Variants in PAFAH1B1 observed in about 807,000 individuals in gnomAD.
PAFAH1B1 encodes the protein platelet activating factor acetylhydrolase 1b regulatory subunit 1, also known as platelet-activating factor acetylhydrolase IB subunit beta.
PAFAH1B1 carries 2 observed loss-of-function variants against 57.5 expected under a neutral mutation model. The observed-to-expected ratio is 0.03, with a 90% CI of 0.01 to 0.11. The LOEUF is 0.11. PAFAH1B1 is among the 10% of genes least tolerant of loss of function. The pLI is 1.00. For missense variants in PAFAH1B1, 257 were observed against 512.0 expected (o/e 0.50, Z 4.81); for synonymous variants, 152 against 169.6 (o/e 0.90, Z 0.81).
chr17:2,603,890 A>G (rs1449394396), intron 1 of PAFAH1B1, among the ~76,000 whole-genome samples: 4 of 151,548 alleles, frequency 2.6e-5, no homozygotes. Flanking sequence ...GGCATGCGCA[A>G]CCACGCGCGG....
chr17:2,683,926 A>G lies in PAFAH1B1; in HGVS notation c.*2124A>G, dbSNP rs1210120928. ...AATTCATTTTTAGCATGAATTGTTTAAGGGTAAGCCACAACATCTAGAAAT... is the reference window on the plus strand; with the variant it reads ...AATTCATTTTTAGCATGAATTGTTTGAGGGTAAGCCACAACATCTAGAAAT... On this transcript the variant is annotated 3_prime_UTR_variant, in exon 11 of 11. Coordinates refer to ENST00000397195, the MANE Select transcript of PAFAH1B1 (RefSeq NM_000430.4). The G allele has an allele frequency of 6.6e-6, 1 of 152,634 alleles. No individual in the cohort carries two copies. Among genetic ancestry groups the G allele is most frequent in the Non-Finnish European group, 1.5e-5 (1 of 68,036 alleles). The allele number at this position is 152,634 out of a possible 1,614,324, so 9.5% of individuals were successfully genotyped here.
chr17:2,625,267 T>C (rs1205845415), intron 1 of PAFAH1B1, among the ~76,000 whole-genome samples: 3 of 152,168 alleles, frequency 2.0e-5, no homozygotes, highest in African/African-American at 4.8e-5. Context: ...AATGAAAAAA[T>C]CAGACTCTTT....
chr17:2,611,416 C>T (rs915944159), intron 1 of PAFAH1B1, among the ~76,000 whole-genome samples: 16 of 151,302 alleles, frequency 1.1e-4, no homozygotes, highest in African/African-American at 3.6e-4. Context: ...TGCAGTGAAC[C>T]GAGATCACGC....
chr17:2,668,429 A>G (rs1382698812), intron 5 of PAFAH1B1, among the ~76,000 whole-genome samples: 2 of 151,526 alleles, frequency 1.3e-5, no homozygotes, highest in African/African-American at 2.4e-5. Context: ...GCTCATGCCT[A>G]TAGTCCTAGG....
intron 1 of PAFAH1B1, among the ~76,000 whole-genome samples, chr17:2,626,329 G>A (rs1332400818): frequency 6.6e-6 from 1 of 152,090 alleles, no homozygotes; most frequent in Admixed American, 6.5e-5. Context: ...AACTGGAAAG[G>A]TAAAATTGTA....
chr17:2,637,417 A>T (rs1597541197), intron 1 of PAFAH1B1, among the ~76,000 whole-genome samples: 1 of 5,212 alleles, frequency 1.9e-4, no homozygotes, highest in East Asian at 6.6e-3. Context: ...CTGTCTCTAC[A>T]AAAAAAAAAT....
chr17:2,676,061 C>G (rs766615736), intron 8 of PAFAH1B1, among the ~76,000 whole-genome samples: 1 of 152,198 alleles, frequency 6.6e-6, no homozygotes, highest in East Asian at 1.9e-4. Flanking sequence ...GTGTGAAAGA[C>G]TTGTGTATTT....
chr17:2,683,099 T>G lies in PAFAH1B1; in HGVS notation c.*1297T>G, dbSNP rs886052719. The G allele has an allele frequency of 2.6e-5, 4 of 152,230 alleles. No homozygotes were observed. The highest frequency in any genetic ancestry group is 2.0e-4 in the Admixed American group (3 of 15,286). The allele number at this position is 152,230 out of a possible 1,614,324, so 9.4% of individuals were successfully genotyped here. A position where few individuals can be genotyped will look rare whatever the true frequency, so the allele number is the denominator to read the frequency against. On this transcript the variant is annotated 3_prime_UTR_variant, in exon 11 of 11. Transcript: ENST00000397195. ...TGCTTCTGAAAACTAGGTCTGACTC[T>G]GGGGATTTTTTTCCAGCCGAAGGAA...
intron 1 of PAFAH1B1, among the ~76,000 whole-genome samples, chr17:2,623,678 A>G (rs1347813756): frequency 6.8e-6 from 1 of 147,122 alleles, no homozygotes; most frequent in Non-Finnish European, 1.5e-5. Context: ...CCCAGGCTGG[A>G]CTGCAGTGGT....
In PAFAH1B1 at chr17:2,669,879, A is replaced by G. The variant is rs11078302; in HGVS notation, c.400-284A>G. ...CCTGCTCTGAGACAGGGAGCGGACT[A>G]TGTCTTGTGACTTTATATACCTTAT... On this transcript the variant is annotated intron_variant, in intron 5 of 10. Transcript: ENST00000397195. Among the ~76,000 whole-genome samples, 132,186 of 152,028 alleles carry G rather than the reference A, an allele frequency of 0.87. 58,210 individuals carry two copies. The highest frequency in any genetic ancestry group is 0.93 in the Non-Finnish European group (63,328 of 68,024).
intron 2 of PAFAH1B1, among the ~76,000 whole-genome samples, chr17:2,653,800 A>T (rs2068899252): frequency 6.6e-6 from 1 of 152,034 alleles, no homozygotes; most frequent in Admixed American, 6.6e-5. Flanking sequence ...TTTTATTTTT[A>T]TTTTTTAAAT....
At chr17:2,630,290 G>C (rs192612978) in intron 1 of PAFAH1B1, among the ~76,000 whole-genome samples, 8 of 152,206 alleles carry the variant, frequency 5.3e-5, no homozygotes, top group Admixed American at 4.6e-4. Context: ...AGCAGTTCTT[G>C]TAATGGTGGC....
rs372436179 is a variant in PAFAH1B1, at chr17:2,597,060, AAAAC to A, written c.-191+3066_-191+3069del. On this transcript the variant is annotated intron_variant, in intron 1 of 10. Transcript: ENST00000397195. ...TGGGCGACAGAGCAAGACTCTGTCAAAAACAAACAAACAAAACCCCACACACTGA... is the reference window on the plus strand; with the variant it reads ...TGGGCGACAGAGCAAGACTCTGTCAAAAACAAACAAAACCCCACACACTGA... Among the ~76,000 whole-genome samples, 293 of 152,242 alleles carry A rather than the reference AAAAC, an allele frequency of 1.9e-3. 1 individual carries two copies. Among genetic ancestry groups the A allele is most frequent in the African/African-American group, 6.6e-3 (275 of 41,540 alleles).
chr17:2,606,135 A>T, intron 1 of PAFAH1B1, among the ~76,000 whole-genome samples: 1 of 152,156 alleles, frequency 6.6e-6, no homozygotes, highest in East Asian at 1.9e-4. Flanking sequence ...AAAAATGGGT[A>T]AATAGGCTTA....
intron 1 of PAFAH1B1, among the ~76,000 whole-genome samples, 200 bp from the exon 2 acceptor site, chr17:2,637,899 G>A (rs1319810951): frequency 6.6e-6 from 1 of 152,062 alleles, no homozygotes; most frequent in East Asian, 1.9e-4. Context: ...TGCTGTTTTG[G>A]CTCATTGAAT....
intron 1 of PAFAH1B1, among the ~76,000 whole-genome samples, chr17:2,621,282 G>A (rs2068417946): frequency 1.3e-5 from 2 of 152,142 alleles, no homozygotes; most frequent in Admixed American, 6.5e-5. Context: ...GTGTCCACAT[G>A]TTCTCATCAT....
intron 2 of PAFAH1B1, among the ~76,000 whole-genome samples, chr17:2,651,436 T>C (rs1177605698): frequency 1.4e-5 from 2 of 146,760 alleles, no homozygotes; most frequent in Admixed American, 6.8e-5. Flanking sequence ...AAAAAAAAAT[T>C]AGCTGGGCAT....
chr17:2,626,692 T>C (rs2068498369), intron 1 of PAFAH1B1, among the ~76,000 whole-genome samples: 2 of 151,378 alleles, frequency 1.3e-5, no homozygotes, highest in African/African-American at 2.4e-5. Context: ...GTAGCTGGGA[T>C]TACATGCGCG....
At position 2,593,893 on chromosome 17, in the gene PAFAH1B1, C is replaced by A. The variant is rs886052708; in HGVS notation, c.-304C>A. ...GCCCGGGCCCAGCGCGCCATCCTCC[C>A]CCCTCCTTCCCTCCCTCCCTCCTTC... On this transcript the variant is annotated 5_prime_UTR_variant, in exon 1 of 11. Coordinates refer to ENST00000397195, the MANE Select transcript of PAFAH1B1 (RefSeq NM_000430.4). The A allele has an allele frequency of 6.8e-4, 238 of 348,324 alleles. 1 individual carries two copies. Among genetic ancestry groups the A allele is most frequent in the Non-Finnish European group, 9.8e-4 (192 of 194,936 alleles). 21.6% of individuals were successfully genotyped at this position (348,324 alleles called of 1,614,324 possible).
Sources: gnomAD v4.1 joint callset for allele counts (sites outside exome capture counted in the v4.1 genomes callset) on GRCh38, gnomAD v4.1.1 for gene constraint, MANE v1.5 for transcripts, NCBI Gene and HGNC (gene_info 2026-07-23, HGNC 2026-07-21) for gene names.